The following STOX1 variants were observed in gnomAD, a reference collection of about 807,000 sequenced individuals.
STOX1 encodes storkhead-box protein 1.
In STOX1, 57 loss-of-function variants were observed where a neutral mutation model predicts 74.8. That is an observed-to-expected ratio of 0.76 (90% CI 0.62 to 0.95). STOX1 has a LOEUF of 0.95. Among genes scored for constraint, STOX1 ranks in the 40% least tolerant of loss-of-function variants. STOX1 has a pLI of 0.00. For synonymous variants in STOX1, 375 were observed against 401.3 expected (o/e 0.93, Z 0.78); for missense variants, 1,010 against 1,117.0 (o/e 0.90, Z 1.37).
downstream of STOX1, among the ~76,000 whole-genome samples, chr10:68,894,466 T>A (rs996761344): frequency 2.0e-5 from 3 of 152,190 alleles, no homozygotes; most frequent in Admixed American, 6.5e-5. Flanking sequence ...TGACATTCAC[T>A]GCTCTCTTTT....
intron 1 of STOX1, among the ~76,000 whole-genome samples, chr10:68,861,176 G>A (rs1413257285): frequency 6.6e-6 from 1 of 152,086 alleles, no homozygotes; most frequent in East Asian, 1.9e-4. Context: ...AGTGCAAAGT[G>A]GTATTGGGGG....
In STOX1 at chr10:68,884,809, C is replaced by G; in HGVS notation, c.1013C>G (p.Pro338Arg). Residue 338 changes from proline (P) to arginine (R), a missense_variant, in exon 3 of 4, where the codon CCA (proline) becomes CGA (arginine). Transcript: ENST00000298596. ...TEHSSFSAQFPPEEWPVRDED... is the reference protein window; with the variant it reads ...TEHSSFSAQFRPEEWPVRDED... ...CACAGCAGTTTCTCTGCTCAGTTCC[C>G]ACCTGAAGAATGGCCCGTCCGAGAT... The G allele has an allele frequency of 1.9e-6, 3 of 1,614,166 alleles. No individual in the cohort carries two copies. Among genetic ancestry groups the G allele is most frequent in the Non-Finnish European group, 2.5e-6 (3 of 1,180,032 alleles).
intron 1 of STOX1, among the ~76,000 whole-genome samples, chr10:68,854,144 C>T (rs192056042): frequency 3.3e-5 from 5 of 151,924 alleles, no homozygotes; most frequent in East Asian, 3.9e-4. Context: ...TACAGGCATG[C>T]GCCACCACGC....
In STOX1 at chr10:68,886,052, G is replaced by T; in HGVS notation, c.2256G>T (p.Leu752=). The T allele has an allele frequency of 6.2e-7, 1 of 1,614,216 alleles. No homozygotes were observed. Among genetic ancestry groups the T allele is most frequent in the South Asian group, 1.1e-5 (1 of 91,084 alleles). The change falls in exon 3 of 4, where the codon CTG becomes CTT. Residue 752 remains leucine, a synonymous_variant. Coordinates refer to ENST00000298596, the MANE Select transcript of STOX1 (RefSeq NM_152709.5). Reference sequence around the variant, plus strand: ...AGAATGACGACTTACGTCAAATGCTGCCTGGCCACAGTCAGTATTCCTTCA... The same window carrying T: ...AGAATGACGACTTACGTCAAATGCTTCCTGGCCACAGTCAGTATTCCTTCA... The part of the protein sequence containing the change: ...ISENDDLRQM[L]PGHSQYSFTG...
chr10:68,845,859 G>C (rs1049009934), intron 1 of STOX1, among the ~76,000 whole-genome samples: 5 of 151,226 alleles, frequency 3.3e-5, no homozygotes, highest in African/African-American at 1.2e-4. Context: ...GCCTCGGCCT[G>C]CCAAAGTGCT....
At chr10:68,833,999 A>G (rs924582975) in intron 1 of STOX1, among the ~76,000 whole-genome samples, 2 of 152,168 alleles carry the variant, frequency 1.3e-5, no homozygotes, top group Non-Finnish European at 2.9e-5. Flanking sequence ...GGTTCACACA[A>G]TCTTCTCCAT....
intron 3 of STOX1, among the ~76,000 whole-genome samples, chr10:68,888,676 C>T (rs1841025623): frequency 6.8e-6 from 1 of 147,204 alleles, no homozygotes; most frequent in Admixed American, 6.8e-5. Flanking sequence ...ACTCTGTCAC[C>T]CAGGCTGGAG....
At chr10:68,882,866 C>A (rs369941111) in intron 2 of STOX1, among the ~76,000 whole-genome samples, 1 of 152,144 alleles carries the variant, frequency 6.6e-6, no homozygotes, top group African/African-American at 2.4e-5. Flanking sequence ...TCTCGGAGAT[C>A]TTTCCATGCT....
At chr10:68,855,427 A>T (rs1840096723) in intron 1 of STOX1, among the ~76,000 whole-genome samples, 1 of 149,380 alleles carries the variant, frequency 6.7e-6, no homozygotes, top group Non-Finnish European at 1.5e-5. Context: ...GGCCAAAAAA[A>T]TTTTTTTAAC....
chr10:68,873,663 T>C (rs1232842193), intron 1 of STOX1, among the ~76,000 whole-genome samples: 1 of 139,906 alleles, frequency 7.1e-6, no homozygotes, highest in Non-Finnish European at 1.5e-5. Flanking sequence ...TTTTTTTTTT[T>C]TTCTTTTTTT....
chr10:68,847,258 G>A (rs1839876633), intron 1 of STOX1, among the ~76,000 whole-genome samples: 2 of 152,104 alleles, frequency 1.3e-5, no homozygotes. Context: ...TATCAACTGA[G>A]GGGAAAAAAT....
At chr10:68,844,294 C>T (rs199963466) in intron 1 of STOX1, among the ~76,000 whole-genome samples, 19 of 104,700 alleles carry the variant, frequency 1.8e-4, no homozygotes, top group South Asian at 3.1e-4. Flanking sequence ...TCTGGATCTT[C>T]TTTTTTTTTT....
At chr10:68,858,202 A>G (rs1484892947) in intron 1 of STOX1, among the ~76,000 whole-genome samples, 2 of 152,086 alleles carry the variant, frequency 1.3e-5, no homozygotes, top group Non-Finnish European at 2.9e-5. Context: ...TGGTACAGTA[A>G]TGGATGGCTT....
At chr10:68,868,383 T>C (rs894452810) in intron 1 of STOX1, among the ~76,000 whole-genome samples, 3 of 152,258 alleles carry the variant, frequency 2.0e-5, no homozygotes, top group Non-Finnish European at 2.9e-5. Context: ...AGCAGGAACA[T>C]GTCCTTAAGG....
intron 3 of STOX1, among the ~76,000 whole-genome samples, chr10:68,888,109 A>G (rs1289682402): frequency 6.6e-6 from 1 of 151,206 alleles, no homozygotes; most frequent in African/African-American, 2.4e-5. Flanking sequence ...ACACACACAT[A>G]TATGTTTTGA....
chr10:68,859,705 G>T (rs1589225946), intron 1 of STOX1, among the ~76,000 whole-genome samples: 1 of 151,988 alleles, frequency 6.6e-6, no homozygotes, highest in East Asian at 1.9e-4. Flanking sequence ...GTTGCAGATT[G>T]TAGAAAGTCT....
intron 1 of STOX1, among the ~76,000 whole-genome samples, chr10:68,870,265 C>T (rs1196234166): frequency 6.6e-6 from 1 of 152,168 alleles, no homozygotes; most frequent in African/African-American, 2.4e-5. Context: ...TAGTCACTGT[C>T]ATTGCCTTTG....
At chr10:68,851,016 AAAGC>A (rs1839970358) in intron 1 of STOX1, among the ~76,000 whole-genome samples, 1 of 151,566 alleles carries the variant, frequency 6.6e-6, no homozygotes, top group African/African-American at 2.4e-5. Flanking sequence ...AAACACAAAA[AAAGC>A]AAGAGAGGCC....
chr10:68,877,165 C>T (rs1206187911), intron 1 of STOX1, among the ~76,000 whole-genome samples: 1 of 152,108 alleles, frequency 6.6e-6, no homozygotes, highest in Non-Finnish European at 1.5e-5. Flanking sequence ...TTAACGGTGT[C>T]CTCTAAAGTG....
Sources: gnomAD v4.1 joint callset for allele counts (sites outside exome capture counted in the v4.1 genomes callset) on GRCh38, gnomAD v4.1.1 for gene constraint, MANE v1.5 for transcripts, NCBI Gene and HGNC (gene_info 2026-07-23, HGNC 2026-07-21) for gene names.